Variants in ATP8A2 observed in about 807,000 individuals in gnomAD.
The protein encoded by ATP8A2 is phospholipid-transporting ATPase IB.
ATP8A2 carries 100 observed loss-of-function variants against 165.6 expected under a neutral mutation model. The ratio of observed to expected loss-of-function variants is 0.60; its 90% CI spans 0.51 to 0.71. The LOEUF is 0.71. ATP8A2 is among the 30% of genes least tolerant of loss of function. The probability of loss-of-function intolerance (pLI) is 0.00; values close to 1 mark genes in which losing one functional copy is unlikely to be tolerated. For missense variants in ATP8A2, 1,227 were observed against 1,479.5 expected (o/e 0.83, Z 2.80); for synonymous variants, 543 against 548.8 (o/e 0.99, Z 0.15).
intron 2 of ATP8A2, among the ~76,000 whole-genome samples, chr13:25,527,254 C>A (rs1384258676): frequency 2.0e-5 from 3 of 152,102 alleles, no homozygotes; most frequent in Non-Finnish European, 4.4e-5. Flanking sequence ...AACAAATTTA[C>A]CTCCTCAGGA....
chr13:25,909,769 G>A (rs142211807), intron 33 of ATP8A2, among the ~76,000 whole-genome samples: 23 of 152,096 alleles, frequency 1.5e-4, no homozygotes, highest in African/African-American at 3.6e-4. Flanking sequence ...AACAGATCCC[G>A]TTACACAGTA....
At chr13:25,853,394 A>ATATATATATATATATAT (rs1555278528) in intron 30 of ATP8A2, among the ~76,000 whole-genome samples, 4 of 11,612 alleles carry the variant, frequency 3.4e-4, no homozygotes, top group Non-Finnish European at 1.8e-3. Context: ...CTATCTAAAA[A>ATATATATATATATATAT]AAATATATAT....
chr13:25,677,827 T>C (rs2042402634), intron 24 of ATP8A2, among the ~76,000 whole-genome samples: 2 of 152,078 alleles, frequency 1.3e-5, no homozygotes, highest in Admixed American at 1.3e-4. Flanking sequence ...GCAAAGCAGA[T>C]GGGAACAGGG....
intron 24 of ATP8A2, among the ~76,000 whole-genome samples, chr13:25,694,389 G>C (rs2042792007): frequency 6.6e-6 from 1 of 152,128 alleles, no homozygotes; most frequent in Non-Finnish European, 1.5e-5. Flanking sequence ...TGCTCTCCCT[G>C]GGCCAAATCT....
intron 18 of ATP8A2, among the ~76,000 whole-genome samples, chr13:25,572,026 C>A (rs2039480159): frequency 6.6e-6 from 1 of 152,220 alleles, no homozygotes; most frequent in Admixed American, 6.5e-5. Context: ...GGTTCCACAT[C>A]TCTTTGTAGC....
At chr13:25,391,340 C>G (rs977539214) in intron 1 of ATP8A2, among the ~76,000 whole-genome samples, 7 of 152,236 alleles carry the variant, frequency 4.6e-5, no homozygotes, top group African/African-American at 1.7e-4. Context: ...CCCATCTATT[C>G]ATCTGTCCAT....
chr13:25,881,378 C>T (rs1440336458), intron 33 of ATP8A2, among the ~76,000 whole-genome samples: 3 of 152,182 alleles, frequency 2.0e-5, no homozygotes, highest in African/African-American at 7.2e-5. Context: ...CACATCCATG[C>T]TGAAGTTTCT....
intron 24 of ATP8A2, among the ~76,000 whole-genome samples, chr13:25,658,309 T>C (rs1250399532): frequency 6.6e-6 from 1 of 152,170 alleles, no homozygotes; most frequent in Non-Finnish European, 1.5e-5. Flanking sequence ...TTCCCCTTGC[T>C]TCATATGAGT....
At chr13:25,757,050 T>C (rs1247127869) in intron 25 of ATP8A2, among the ~76,000 whole-genome samples, 2 of 152,000 alleles carry the variant, frequency 1.3e-5, no homozygotes, top group Non-Finnish European at 2.9e-5. Context: ...AACGCCTGAG[T>C]TCTTTTCTCC....
chr13:25,459,593 T>C (rs993402637), intron 1 of ATP8A2, among the ~76,000 whole-genome samples: 4 of 152,092 alleles, frequency 2.6e-5, no homozygotes, highest in Non-Finnish European at 4.4e-5. Context: ...AGGGAATAAG[T>C]GAGAAGGGGA....
At chr13:25,634,653 C>T (rs532092947) in intron 24 of ATP8A2, among the ~76,000 whole-genome samples, 1 of 152,122 alleles carries the variant, frequency 6.6e-6, no homozygotes, top group East Asian at 1.9e-4. Flanking sequence ...GTCCATGTAT[C>T]TTAGTTTGTC....
Position 26,024,283 on chromosome 13 carries a change from C to T in ATP8A2, c.*4298C>T, listed in dbSNP as rs1030478928. On this transcript the variant is annotated 3_prime_UTR_variant, in exon 37 of 37. Transcript: ENST00000381655. ...ATTAGGCATTCTTGAAAGGTGTTAA[C>T]AGACCAGCACGCTCGATGTGTTGTA... 4 of 152,194 alleles carry T rather than the reference C, an allele frequency of 2.6e-5. No homozygotes were observed. Among genetic ancestry groups the T allele is most frequent in the Non-Finnish European group, 5.9e-5 (4 of 68,044 alleles). The allele number at this position is 152,194 out of a possible 1,614,324, so 9.4% of individuals were successfully genotyped here. A position where few individuals can be genotyped will look rare whatever the true frequency, so the allele number is the denominator to read the frequency against.
chr13:25,767,286 T>C (rs893185380), intron 25 of ATP8A2, among the ~76,000 whole-genome samples: 3 of 152,238 alleles, frequency 2.0e-5, no homozygotes, highest in Admixed American at 6.5e-5. Context: ...AGAGGCTTCA[T>C]TGATAAGCAG....
rs17082201 is a variant in ATP8A2 at position 25,389,782 on chromosome 13, C to T, written c.76+17494C>T. Among the ~76,000 whole-genome samples the T allele has an allele frequency of 6.2e-3, 942 of 152,200 alleles. 52 individuals are homozygous for T. In the East Asian group the frequency reaches 0.13, roughly 21 times the overall value. ...TAGTTCCCATTTCCAAGGTGTTTAC[C>T]ATCTGGCTGGGGAGAGAAGACCTGG... On this transcript the variant is annotated intron_variant, in intron 1 of 36. Transcript: ENST00000381655.
intron 33 of ATP8A2, among the ~76,000 whole-genome samples, chr13:25,920,369 G>A (rs887841937): frequency 2.6e-5 from 4 of 151,604 alleles, no homozygotes; most frequent in Non-Finnish European, 4.4e-5. Flanking sequence ...GTGACCCAGT[G>A]CCCTCCAGAT....
intron 24 of ATP8A2, among the ~76,000 whole-genome samples, chr13:25,674,919 T>C (rs571475619): frequency 6.6e-6 from 1 of 152,348 alleles, no homozygotes; most frequent in African/African-American, 2.4e-5. Flanking sequence ...GCAGGTTTGC[T>C]GGTCGTGCTA....
At chr13:25,918,501 A>G (rs1422336225) in intron 33 of ATP8A2, among the ~76,000 whole-genome samples, 4 of 152,194 alleles carry the variant, frequency 2.6e-5, no homozygotes, top group Admixed American at 6.5e-5. Context: ...GTGAAAAACC[A>G]ATGTCTGTTA....
intron 13 of ATP8A2, among the ~76,000 whole-genome samples, chr13:25,558,420 C>CA (rs2039046139): frequency 6.6e-6 from 1 of 152,040 alleles, no homozygotes; most frequent in Non-Finnish European, 1.5e-5. Flanking sequence ...TGATTGTTTT[C>CA]AAAAAACTTC....
At chr13:25,778,849 T>C (rs901999880) in intron 27 of ATP8A2, among the ~76,000 whole-genome samples, 6 of 152,230 alleles carry the variant, frequency 3.9e-5, no homozygotes, top group African/African-American at 1.4e-4. Context: ...GTATGATTGA[T>C]GTACAGCAAG....
Sources: allele counts gnomAD v4.1 joint callset (sites outside exome capture counted in the v4.1 genomes callset), GRCh38; gene constraint gnomAD v4.1.1; transcripts MANE v1.5; gene names NCBI Gene and HGNC (gene_info 2026-07-23, HGNC 2026-07-21).